RASGEF1C: variants seen among roughly 807,000 people sequenced by gnomAD.
RASGEF1C encodes the protein ras-GEF domain-containing family member 1C.
In RASGEF1C, 27 loss-of-function variants were observed where a neutral mutation model predicts 58.1. The ratio of observed to expected loss-of-function variants is 0.46; its 90% confidence interval spans 0.34 to 0.64. The LOEUF (loss-of-function observed/expected upper bound fraction) is 0.64. Among genes scored for constraint, RASGEF1C ranks in the 30% least tolerant of loss-of-function variants. The pLI is 0.01. For synonymous variants in RASGEF1C, 243 were observed against 246.3 expected, an observed-to-expected ratio of 0.99 and a Z score of 0.13; for missense variants, 502 against 605.1, an observed-to-expected ratio of 0.83 and a Z score of 1.79.
At position 180,181,613 on chromosome 5, in the gene RASGEF1C, A is replaced by T. The variant is rs141062354; in HGVS notation, c.-7+27415T>A. Among the ~76,000 whole-genome samples, 1,402 of 152,322 alleles carry T rather than the reference A, an allele frequency of 9.2e-3. 19 individuals carry two copies. The highest frequency in any genetic ancestry group is 0.037 in the Middle Eastern group (11 of 294). On this transcript the variant is annotated intron_variant, in intron 1 of 13. Transcript: ENST00000361132. ...GCGGCTTCAAGCCAAGGAATGCAGA[A>T]GATTTCTAACAAGCCGCCAGAAGCT...
At chr5:180,189,805 C>T (rs186723778) in intron 1 of RASGEF1C, among the ~76,000 whole-genome samples, 1 of 151,240 alleles carries the variant, frequency 6.6e-6, no homozygotes, top group Non-Finnish European at 1.5e-5. Context: ...TGCCTGTAAT[C>T]TCAGCTACTT....
chr5:180,153,016 C>T (rs1766788666), intron 1 of RASGEF1C, among the ~76,000 whole-genome samples: 2 of 151,832 alleles, frequency 1.3e-5, no homozygotes, highest in Non-Finnish European at 2.9e-5. Context: ...CTGTACCTTT[C>T]CCAGGGAAAT....
At position 180,158,533 on chromosome 5, in the gene RASGEF1C, G is replaced by T. The variant is rs1766884089; in HGVS notation, c.-6-20475C>A. On this transcript the variant is annotated intron_variant, in intron 1 of 13. Coordinates refer to ENST00000361132, the MANE Select transcript of RASGEF1C (RefSeq NM_175062.4). The surrounding 1 kb of genome is among the most constrained non-coding windows in gnomAD (Gnocchi z 4.0). ...TTGTCTTCACAATTTTGAAGGCATT[G>T]TTTTCTGGCTTCTCTCTTAACTTTG... 6.6e-6 allele frequency among the ~76,000 whole-genome samples: 1 copy of T among 152,168 alleles called. No individual in the cohort carries two copies. The highest frequency in any genetic ancestry group is 2.1e-4 in the South Asian group (1 of 4,826).
At chr5:180,172,847 C>T (rs1357403384) in intron 1 of RASGEF1C, among the ~76,000 whole-genome samples, 2 of 152,174 alleles carry the variant, frequency 1.3e-5, no homozygotes, top group African/African-American at 4.8e-5. Flanking sequence ...TCCCTGTGCT[C>T]CTCACCTCCC....
rs539237283 is a variant in RASGEF1C, at chr5:180,143,588, G to A, written c.-6-5530C>T. On this transcript the variant is annotated intron_variant, in intron 1 of 13. Transcript: ENST00000361132. This position sits in a 1 kb window ranked among gnomAD's most constrained non-coding sequence, Gnocchi z 4.3. Reference sequence around the variant, plus strand: ...GCTCTGCTGTGCTCTGGGAGCTGGCGTGCTCAGACCTTCCTGGTGTAAAAG... The same window carrying A: ...GCTCTGCTGTGCTCTGGGAGCTGGCATGCTCAGACCTTCCTGGTGTAAAAG... Among the ~76,000 whole-genome samples, 25 of 152,330 alleles carry A rather than the reference G, an allele frequency of 1.6e-4. No individual in the cohort carries two copies. The highest frequency in any genetic ancestry group is 5.8e-4 in the African/African-American group (24 of 41,576).
chr5:180,188,358 A>G (rs1158237501), intron 1 of RASGEF1C, among the ~76,000 whole-genome samples: 1 of 152,224 alleles, frequency 6.6e-6, no homozygotes, highest in African/African-American at 2.4e-5. Flanking sequence ...AATGAGTATA[A>G]AATGTTCTTT....
At chr5:180,183,894 G>A (rs780913871) in intron 1 of RASGEF1C, among the ~76,000 whole-genome samples, 62 of 152,070 alleles carry the variant, frequency 4.1e-4, no homozygotes, top group Non-Finnish European at 5.1e-4. Flanking sequence ...ACAGCCGGCC[G>A]GGTGTGATGG....
In RASGEF1C at chr5:180,158,639, G is replaced by A. The variant is rs951443218; in HGVS notation, c.-6-20581C>T. Among the ~76,000 whole-genome samples, 3 of 152,034 alleles carry A rather than the reference G, an allele frequency of 2.0e-5. No homozygotes were observed. Among genetic ancestry groups the A allele is most frequent in the Admixed American group, 6.6e-5 (1 of 15,266 alleles). ...TCCTAGTTTTAGTACTGAAAATCCC[G>A]TATCCCAAGAAAAACCCCTCAGTCC... On this transcript the variant is annotated intron_variant, in intron 1 of 13. Transcript: ENST00000361132. The surrounding 1 kb of genome is among the most constrained non-coding windows in gnomAD (Gnocchi z 4.0).
intron 6 of RASGEF1C, among the ~76,000 whole-genome samples, chr5:180,123,941 A>G (rs1407184905): frequency 2.6e-5 from 4 of 152,318 alleles, no homozygotes; most frequent in African/African-American, 9.6e-5. Context: ...TAAATTTGGA[A>G]ACTTAGGGGA....
intron 1 of RASGEF1C, among the ~76,000 whole-genome samples, chr5:180,200,279 T>A (rs1756362312): frequency 6.7e-6 from 1 of 148,994 alleles, no homozygotes; most frequent in Non-Finnish European, 1.5e-5. Flanking sequence ...TGGATTTATT[T>A]AATAGATGAA....
intron 1 of RASGEF1C, among the ~76,000 whole-genome samples, chr5:180,187,843 A>G: frequency 6.6e-6 from 1 of 152,194 alleles, no homozygotes; most frequent in Non-Finnish European, 1.5e-5. Flanking sequence ...CAAAACAGAA[A>G]GTGATAAGTG....
intron 1 of RASGEF1C, among the ~76,000 whole-genome samples, chr5:180,149,787 C>T (rs1766717308): frequency 6.6e-6 from 1 of 152,218 alleles, no homozygotes; most frequent in Non-Finnish European, 1.5e-5. Flanking sequence ...TCACTTCTTT[C>T]TTGCTGCTCT....
At chr5:180,187,123 C>T (rs531510196) in intron 1 of RASGEF1C, among the ~76,000 whole-genome samples, 94 of 152,322 alleles carry the variant, frequency 6.2e-4, no homozygotes, top group African/African-American at 2.2e-3. Context: ...CAGTGTGGTA[C>T]TGGCCAGTTG....
intron 1 of RASGEF1C, among the ~76,000 whole-genome samples, chr5:180,144,186 T>A (rs1357428436): frequency 1.3e-5 from 2 of 152,196 alleles, no homozygotes; most frequent in Non-Finnish European, 2.9e-5. Context: ...AGGCTCTGTG[T>A]GTGCCAAAAA....
chr5:180,117,682 C>T (rs947464697), intron 10 of RASGEF1C, among the ~76,000 whole-genome samples: 1 of 152,118 alleles, frequency 6.6e-6, no homozygotes, highest in African/African-American at 2.4e-5. Context: ...AGAGGCTCCA[C>T]AAATGCAGGG....
In RASGEF1C at chr5:180,119,366, T is replaced by C; in HGVS notation, c.887A>G (p.Asn296Ser). The C allele has an allele frequency of 1.9e-6, 3 of 1,613,564 alleles. No individual in the cohort carries two copies. Among genetic ancestry groups the C allele is most frequent in the South Asian group, 1.1e-5 (1 of 91,024 alleles). Residue 296 changes from asparagine to serine, a missense_variant, in exon 8 of 14, where the codon AAC (asparagine) becomes AGC (serine). Transcript: ENST00000361132. ...CTCACAGATGATGGCCATGAGGGAG[T>C]TGAAGTTGCCGATGTTGAAGCACTC... ...ARECFNIGNF[N>S]SLMAIISGMN...
chr5:180,121,394 A>G (rs112896107), intron 6 of RASGEF1C, among the ~76,000 whole-genome samples: 4,175 of 151,848 alleles, frequency 0.027, 226 homozygotes, highest in African/African-American at 0.096. Flanking sequence ...GCTCACTGCA[A>G]GCTCCGCCTC....
At chr5:180,148,113 G>A (rs1029661975) in intron 1 of RASGEF1C, among the ~76,000 whole-genome samples, 1 of 152,036 alleles carries the variant, frequency 6.6e-6, no homozygotes, top group Admixed American at 6.6e-5. Context: ...TTTGTCTCTG[G>A]TAATCCTTTA....
At chr5:180,153,788 T>C (rs1447275681) in intron 1 of RASGEF1C, among the ~76,000 whole-genome samples, 1 of 148,254 alleles carries the variant, frequency 6.7e-6, no homozygotes, top group African/African-American at 2.5e-5. Flanking sequence ...TCATAATGCA[T>C]TGGACAGAAC....
Sources: gnomAD v4.1 joint callset for allele counts (sites outside exome capture counted in the v4.1 genomes callset) on GRCh38, gnomAD v4.1.1 for gene constraint, Gnocchi (gnomAD v3.1) non-coding constraint, MANE v1.5 for transcripts, NCBI Gene and HGNC (gene_info 2026-07-23, HGNC 2026-07-21) for gene names.